Variants in SSUH2 observed in about 807,000 individuals in gnomAD.
SSUH2 encodes the protein ssu-2 homolog, also known as protein SSUH2 homolog.
Under a neutral mutation model 55.3 loss-of-function variants are expected in SSUH2, and 47 were observed. That is an observed-to-expected ratio of 0.85 (90% CI 0.67 to 1.08). The LOEUF is 1.08. Ranked by LOEUF, SSUH2 falls within the 50% of genes least tolerant of loss-of-function variation. SSUH2 has a pLI of 0.00. For synonymous variants in SSUH2, 212 were observed against 191.5 expected (o/e 1.11, Z -0.89); for missense variants, 535 against 490.7 (o/e 1.09, Z -0.85).
chr3:8,661,694 G>C (rs1285786033), intron 6 of SSUH2, among the ~76,000 whole-genome samples: 2 of 152,220 alleles, frequency 1.3e-5, no homozygotes, highest in Admixed American at 6.5e-5. Flanking sequence ...CACATGAAGA[G>C]GGCCAGGTAA....
chr3:8,667,776 A>G (rs184468603), intron 5 of SSUH2, among the ~76,000 whole-genome samples: 1 of 152,202 alleles, frequency 6.6e-6, no homozygotes, highest in African/African-American at 2.4e-5. Flanking sequence ...AACCAGCCCC[A>G]CCCTGAACCT....
chr3:8,639,799 G>C (rs1700534139), intron 1 of SSUH2: 1 of 181,598 alleles, frequency 5.5e-6, no homozygotes, highest in South Asian at 1.9e-4. Context: ...ACTTGAGTTT[G>C]TTTCATACAT....
At position 8,619,730 on chromosome 3, in the gene SSUH2, T is replaced by C; in HGVS notation, c.*138A>G. Reference sequence around the variant, plus strand: ...TAAGGGGTTGGAGCTTGATAGATGATAAGCTGGTTTTTCTGGAAGGACATG... The same window carrying C: ...TAAGGGGTTGGAGCTTGATAGATGACAAGCTGGTTTTTCTGGAAGGACATG... On this transcript the variant is annotated 3_prime_UTR_variant, in exon 12 of 12. Coordinates refer to ENST00000544814, the MANE Select transcript of SSUH2 (RefSeq NM_001256748.3). The C allele has an allele frequency of 1.0e-6, 1 of 974,004 alleles. No individual in the cohort carries two copies. The highest frequency in any genetic ancestry group is 1.7e-5 in the South Asian group (1 of 59,070). 60.3% of individuals were successfully genotyped at this position (974,004 alleles called of 1,614,324 possible).
At chr3:8,629,798 C>CGGTTTAGATGGTGATGT in intron 6 of SSUH2, 72 bp from the exon 7 acceptor site, 1 of 1,467,026 alleles carries the variant, frequency 6.8e-7, no homozygotes, top group Non-Finnish European at 9.6e-7. Context: ...ACATCACCAT[C>CGGTTTAGATGGTGATGT]TAAACCGAAG....
chr3:8,647,466 G>C (rs1701834909), upstream of SSUH2, among the ~76,000 whole-genome samples: 2 of 152,208 alleles, frequency 1.3e-5, no homozygotes, highest in South Asian at 4.1e-4. Flanking sequence ...AGTCAGGGTA[G>C]ACTGAGTTCA....
At chr3:8,668,788 T>C (rs1461727121) in intron 5 of SSUH2, among the ~76,000 whole-genome samples, 3 of 152,222 alleles carry the variant, frequency 2.0e-5, no homozygotes, top group Non-Finnish European at 2.9e-5. Context: ...TCTTTCACAA[T>C]ATGAAGTTCT....
At chr3:8,677,004 C>T (rs1705418501) in intron 3 of SSUH2, among the ~76,000 whole-genome samples, 1 of 145,438 alleles carries the variant, frequency 6.9e-6, no homozygotes, top group Non-Finnish European at 1.5e-5. Flanking sequence ...CCCCCCCTGG[C>T]TCTTGAGACC....
intron 5 of SSUH2, among the ~76,000 whole-genome samples, chr3:8,664,247 C>T (rs1166639620): frequency 6.6e-6 from 1 of 152,236 alleles, no homozygotes; most frequent in Non-Finnish European, 1.5e-5. Context: ...TCAAGAGCCT[C>T]GTGTTCTTCT....
intron 3 of SSUH2, among the ~76,000 whole-genome samples, chr3:8,673,747 C>G (rs1422012194): frequency 6.6e-6 from 1 of 152,136 alleles, no homozygotes; most frequent in Non-Finnish European, 1.5e-5. Flanking sequence ...ACTCAGTTAC[C>G]AGGAACCGAA....
chr3:8,672,691 G>T lies in SSUH2; in HGVS notation c.-752-656C>A, dbSNP rs150029635. ...GGGTGTACACAGCCTGCGATATTTC[G>T]AGTAATATCACCCTCTCCCCCTCCG... is the stretch of plus-strand genomic sequence containing the variant. On this transcript the variant is annotated intron_variant, in intron 3 of 18. Transcript: ENST00000317371. 2.4e-4 allele frequency among the ~76,000 whole-genome samples: 36 copies of T among 151,798 alleles called. No individual in the cohort carries two copies. The South Asian group carries it at 6.9e-3, about 29-fold the overall frequency.
chr3:8,635,695 C>A, intron 2 of SSUH2, 64 bp downstream of exon 2: 1 of 1,406,196 alleles, frequency 7.1e-7, no homozygotes. Context: ...TTTCCCGAGA[C>A]ATCCCACCAA....
At chr3:8,625,002 G>A (rs921728854) in intron 10 of SSUH2, among the ~76,000 whole-genome samples, 1 of 152,054 alleles carries the variant, frequency 6.6e-6, no homozygotes, top group Non-Finnish European at 1.5e-5. Flanking sequence ...CAGCTGGAAC[G>A]ACACTGCCAC....
chr3:8,661,095 C>T (rs924080510), intron 6 of SSUH2, among the ~76,000 whole-genome samples: 1 of 152,236 alleles, frequency 6.6e-6, no homozygotes, highest in Non-Finnish European at 1.5e-5. Flanking sequence ...CTGTCTGACG[C>T]CGAAGTCCAT....
In SSUH2 at chr3:8,633,744, C is replaced by A; in HGVS notation, c.261G>T (p.Val87=). 1 of 1,606,024 alleles carries A rather than the reference C, an allele frequency of 6.2e-7. No individual in the cohort carries two copies. The highest frequency in any genetic ancestry group is 8.5e-7 in the Non-Finnish European group (1 of 1,175,542). ...TGCTGCTGTAGCAGCACTTAGAGTC[C>A]ACAAAGCTGAGGAGGGCTTCCCGGG... ...EVAREALLSF[V]DSKCCYSSTV... The change falls in exon 4 of 12, where the codon GTG becomes GTT. Residue 87 remains valine (V), a synonymous_variant. Coordinates refer to ENST00000544814, the MANE Select transcript of SSUH2 (RefSeq NM_001256748.3).
chr3:8,631,549 A>C (rs1242736607), intron 5 of SSUH2, among the ~76,000 whole-genome samples: 1 of 152,186 alleles, frequency 6.6e-6, no homozygotes, highest in African/African-American at 2.4e-5. Context: ...AAAAGAAGTG[A>C]CACGTGAGCT....
intron 7 of SSUH2, chr3:8,651,947 C>T (rs10154968): frequency 0.013 from 2,003 of 152,702 alleles, 49 homozygotes; most frequent in African/African-American, 0.046. Flanking sequence ...ATCTCTCCTC[C>T]CTCCATCTCC....
chr3:8,633,612 C>A, intron 4 of SSUH2, 54 bp downstream of exon 4: 2 of 1,420,486 alleles, frequency 1.4e-6, no homozygotes, highest in South Asian at 3.0e-5. Flanking sequence ...TGTCCCAAAG[C>A]CCCCAGCTCC....
At chr3:8,631,968 C>T (rs1698872689) in intron 5 of SSUH2, 81 bp downstream of exon 5, 5 of 1,134,116 alleles carry the variant, frequency 4.4e-6, no homozygotes, top group Non-Finnish European at 6.7e-6. Context: ...GAGATGAGTG[C>T]CTGAGCCAAG....
chr3:8,639,585 C>T (rs574615790), intron 1 of SSUH2, among the ~76,000 whole-genome samples: 1 of 152,202 alleles, frequency 6.6e-6, no homozygotes, highest in South Asian at 2.1e-4. Context: ...TCACCACCCA[C>T]AAGATATTTT....
Sources: allele counts gnomAD v4.1 joint callset (sites outside exome capture counted in the v4.1 genomes callset), GRCh38; gene constraint gnomAD v4.1.1; transcripts MANE v1.5; gene names NCBI Gene and HGNC (gene_info 2026-07-23, HGNC 2026-07-21).